Variants in SMAD1 observed in about 807,000 individuals in gnomAD.
The protein encoded by SMAD1 is SMAD family member 1, also known as MAD, mothers against decapentaplegic homolog 1.
Under a neutral mutation model 41.6 loss-of-function variants are expected in SMAD1, and 6 were observed. That is an observed-to-expected ratio of 0.14 (90% confidence interval 0.08 to 0.28). The LOEUF (loss-of-function observed/expected upper bound fraction) is 0.28. Among genes scored for constraint, SMAD1 ranks in the 10% least tolerant of loss-of-function variants. The probability of loss-of-function intolerance (pLI) is 1.00; values close to 1 mark genes in which losing one functional copy is unlikely to be tolerated. For synonymous variants in SMAD1, 206 were observed against 203.2 expected (o/e 1.01, Z -0.12); for missense variants, 379 against 582.6 (o/e 0.65, Z 3.60).
rs1323266054 is a variant in SMAD1, at chr4:145,514,865, T to G, written c.252T>G (p.Pro84=). ...AAGTCTCCCACCGGAAGGGACTGCC[T>G]CATGTCATTTACTGCCGTGTGTGGC... is the stretch of plus-strand genomic sequence containing the variant. ...RLQVSHRKGL[P]HVIYCRVWRW... The change falls in exon 2 of 7, where the codon CCT becomes CCG. Residue 84 remains proline, a synonymous_variant. Transcript: ENST00000302085. The surrounding 1 kb of genome is among the most constrained non-coding windows in gnomAD (Gnocchi z 4.7). The G allele has an allele frequency of 6.2e-7, 1 of 1,614,072 alleles. No homozygotes were observed. The highest frequency in any genetic ancestry group is 8.5e-7 in the Non-Finnish European group (1 of 1,180,000).
intron 5 of SMAD1, among the ~76,000 whole-genome samples, chr4:145,550,481 C>T (rs569793939): frequency 6.6e-6 from 1 of 152,118 alleles, no homozygotes; most frequent in Admixed American, 6.6e-5. Flanking sequence ...CCACTGCTCT[C>T]CAGCCTGGGT....
chr4:145,539,755 A>T, intron 2 of SMAD1, 49 bp from the exon 3 acceptor site: 1 of 1,559,222 alleles, frequency 6.4e-7, no homozygotes, highest in South Asian at 1.1e-5. Flanking sequence ...GTAATTATAG[A>T]TCATAATTCT....
rs747620134 is a variant in SMAD1, at chr4:145,558,612, A to T, written c.*678A>T. On this transcript the variant is annotated 3_prime_UTR_variant, in exon 7 of 7. Transcript: ENST00000302085. ...AGTATTTGAGGTGGGTGGGGGGAAGAGGGAAATGACAACTGCAAATGTAGA... is the reference window on the plus strand; with the variant it reads ...AGTATTTGAGGTGGGTGGGGGGAAGTGGGAAATGACAACTGCAAATGTAGA... Among the ~76,000 whole-genome samples the T allele has an allele frequency of 1.9e-4, 29 of 152,150 alleles. No individual in the cohort carries two copies. The highest frequency in any genetic ancestry group is 3.7e-4 in the Non-Finnish European group (25 of 68,026).
chr4:145,516,507 GATAA>G, intron 2 of SMAD1, among the ~76,000 whole-genome samples: 1 of 152,060 alleles, frequency 6.6e-6, no homozygotes, highest in Non-Finnish European at 1.5e-5. Flanking sequence ...TTTATTTCTA[GATAA>G]CTGGTTTTTA....
At chr4:145,556,729 C>T (rs1732856354) in intron 6 of SMAD1, among the ~76,000 whole-genome samples, 1 of 152,162 alleles carries the variant, frequency 6.6e-6, no homozygotes, top group Non-Finnish European at 1.5e-5. Flanking sequence ...CTCTCTCTGT[C>T]ACCGACGCCA....
In SMAD1 at chr4:145,536,725, A is replaced by G. The variant is rs370618834; in HGVS notation, c.401-3079A>G. 1.8e-4 allele frequency among the ~76,000 whole-genome samples: 28 copies of G among 152,366 alleles called. No individual in the cohort carries two copies. In the East Asian group the frequency reaches 5.4e-3, roughly 29 times the overall value. ...AATGGATGCTAAATATAGGGGATAA[A>G]GCTTGATAAGGAACAGGATATTTAC... On this transcript the variant is annotated intron_variant, in intron 2 of 6. Transcript: ENST00000302085.
intron 1 of SMAD1, among the ~76,000 whole-genome samples, chr4:145,503,362 G>T (rs1159437609): frequency 2.0e-5 from 3 of 152,206 alleles, no homozygotes; most frequent in Non-Finnish European, 2.9e-5. Flanking sequence ...GGACTAAAGC[G>T]AAATAGAGTT....
At chr4:145,494,721 T>C (rs1477290495) in intron 1 of SMAD1, among the ~76,000 whole-genome samples, 1 of 152,254 alleles carries the variant, frequency 6.6e-6, no homozygotes, top group Non-Finnish European at 1.5e-5. Context: ...ATGAATTTTT[T>C]CATTTTGTTG....
chr4:145,499,929 AG>A (rs1309248164), intron 1 of SMAD1, among the ~76,000 whole-genome samples: 2 of 152,188 alleles, frequency 1.3e-5, no homozygotes, highest in African/African-American at 4.8e-5. Context: ...CCATAAAAAA[AG>A]AAGAAAAAAA....
chr4:145,538,410 A>T (rs1578809665), intron 2 of SMAD1, among the ~76,000 whole-genome samples: 1 of 152,232 alleles, frequency 6.6e-6, no homozygotes, highest in East Asian at 1.9e-4. Flanking sequence ...TTCCTGAAGG[A>T]TCAAATAGGG....
At chr4:145,556,588 G>A (rs1578838279) in intron 6 of SMAD1, among the ~76,000 whole-genome samples, 1 of 151,882 alleles carries the variant, frequency 6.6e-6, no homozygotes, top group Non-Finnish European at 1.5e-5. Flanking sequence ...TCCCAAGCAT[G>A]CTGGGATTAC....
At chr4:145,484,092 C>T (rs1198948499) in intron 1 of SMAD1, among the ~76,000 whole-genome samples, 1 of 152,158 alleles carries the variant, frequency 6.6e-6, no homozygotes, top group Admixed American at 6.5e-5. Flanking sequence ...ATTTTGATTT[C>T]TAGCAATTCT....
intron 3 of SMAD1, among the ~76,000 whole-genome samples, chr4:145,540,624 A>G (rs1731869309): frequency 2.6e-5 from 4 of 152,214 alleles, no homozygotes; most frequent in Non-Finnish European, 5.9e-5. Flanking sequence ...AAGACAAAAA[A>G]CAATTATCCT....
intron 2 of SMAD1, among the ~76,000 whole-genome samples, chr4:145,521,097 A>G (rs1054058738): frequency 2.0e-5 from 3 of 152,232 alleles, no homozygotes; most frequent in Non-Finnish European, 2.9e-5. Context: ...TCTGAAGACT[A>G]TGTCCCTGCT....
intron 4 of SMAD1, 68 bp from the exon 5 acceptor site, chr4:145,546,635 A>G: frequency 5.4e-6 from 6 of 1,105,306 alleles, no homozygotes; most frequent in African/African-American, 1.5e-5. Context: ...CCAATTCAAC[A>G]ACACGGTTTC....
intron 2 of SMAD1, among the ~76,000 whole-genome samples, chr4:145,527,414 G>A (rs563525148): frequency 6.6e-6 from 1 of 152,014 alleles, no homozygotes; most frequent in South Asian, 2.1e-4. Context: ...TAGTAGAGAC[G>A]GGGTTTCACC....
intron 1 of SMAD1, among the ~76,000 whole-genome samples, chr4:145,490,200 T>C (rs1011278263): frequency 6.6e-6 from 1 of 151,982 alleles, no homozygotes; most frequent in Non-Finnish European, 1.5e-5. Flanking sequence ...CAATTGGAGG[T>C]GATGGAGTTA....
chr4:145,549,738 A>T (rs1732457022), intron 5 of SMAD1, among the ~76,000 whole-genome samples: 1 of 152,258 alleles, frequency 6.6e-6, no homozygotes, highest in Non-Finnish European at 1.5e-5. Flanking sequence ...AAAGTGTAAC[A>T]TTTAATCCTG....
chr4:145,501,381 A>G (rs1316131507), intron 1 of SMAD1, among the ~76,000 whole-genome samples: 1 of 152,208 alleles, frequency 6.6e-6, no homozygotes, highest in African/African-American at 2.4e-5. Context: ...TTGTAAAAGG[A>G]TATAACTTGT....
Sources: allele counts gnomAD v4.1 joint callset (sites outside exome capture counted in the v4.1 genomes callset), GRCh38; gene constraint gnomAD v4.1.1; non-coding constraint Gnocchi (gnomAD v3.1); transcripts MANE v1.5; gene names NCBI Gene and HGNC (gene_info 2026-07-23, HGNC 2026-07-21).